Variants in ATP2B2 observed in about 807,000 individuals in gnomAD.
ATP2B2 encodes plasma membrane calcium-transporting ATPase 2.
A neutral mutation model predicts 120.0 loss-of-function variants in ATP2B2; 15 were observed. The ratio of observed to expected loss-of-function variants is 0.12; its 90% CI spans 0.08 to 0.19. The LOEUF (loss-of-function observed/expected upper bound fraction) is 0.19, where lower values mean the gene tolerates loss of function less well. Ranked by LOEUF, ATP2B2 falls within the 10% of genes least tolerant of loss-of-function variation. The pLI is 1.00. For synonymous variants in ATP2B2, 694 were observed against 700.3 expected (o/e 0.99, Z 0.14); for missense variants, 1,045 against 1,719.8 (o/e 0.61, Z 6.94).
At chr3:10,420,659 G>T (rs1045643171) in intron 2 of ATP2B2, among the ~76,000 whole-genome samples, 5 of 152,248 alleles carry the variant, frequency 3.3e-5, no homozygotes, top group African/African-American at 4.8e-5. Context: ...ACCACGCCCG[G>T]CCTGGGCCTT....
At chr3:10,520,699 G>A (rs2066967331) in intron 3 of ATP2B2, among the ~76,000 whole-genome samples, 1 of 150,878 alleles carries the variant, frequency 6.6e-6, no homozygotes, top group Non-Finnish European at 1.5e-5. Context: ...CAAGTGATCT[G>A]CCTGCCTGGG....
chr3:10,327,916 G>C lies in ATP2B2; in HGVS notation c.*898C>G, dbSNP rs913697045. ...TAAAACATCCAGGATGCAACCCAGGGGAAGTGTCTGTTGGGCCGAGCTGTT... is the reference window on the plus strand; with the variant it reads ...TAAAACATCCAGGATGCAACCCAGGCGAAGTGTCTGTTGGGCCGAGCTGTT... On this transcript the variant is annotated 3_prime_UTR_variant, in exon 23 of 23. Coordinates refer to ENST00000360273, the MANE Select transcript of ATP2B2 (RefSeq NM_001001331.4). 1 of 152,608 alleles carries C rather than the reference G, an allele frequency of 6.6e-6. No homozygotes were observed. The highest frequency in any genetic ancestry group is 1.5e-5 in the Non-Finnish European group (1 of 68,036). 9.5% of individuals were successfully genotyped at this position (152,608 alleles called of 1,614,324 possible). A position where few individuals can be genotyped will look rare whatever the true frequency, so the allele number is the denominator to read the frequency against.
At chr3:10,584,446 A>G (rs1473038958) in intron 2 of ATP2B2, among the ~76,000 whole-genome samples, 1 of 152,102 alleles carries the variant, frequency 6.6e-6, no homozygotes, top group Non-Finnish European at 1.5e-5. Context: ...TGGAGGCTCT[A>G]CAGGTGCCAC....
At position 10,657,008 on chromosome 3, in the gene ATP2B2, G is replaced by T. The variant is rs1193908829; in HGVS notation, c.-459-37047C>A. Reference sequence around the variant, plus strand: ...TGGCTGGACATGGAAAGGGGTTTGGGTTTTTTTTTCCAAATGGGAGAGGAA... The same window carrying T: ...TGGCTGGACATGGAAAGGGGTTTGGTTTTTTTTTTCCAAATGGGAGAGGAA... On this transcript the variant is annotated intron_variant, in intron 1 of 21. Coordinates refer to the ATP2B2 transcript ENST00000646379. 6.6e-5 allele frequency among the ~76,000 whole-genome samples: 10 copies of T among 151,774 alleles called. No individual in the cohort carries two copies. The East Asian group carries it at 1.7e-3, about 26-fold the overall frequency.
intron 1 of ATP2B2, among the ~76,000 whole-genome samples, chr3:10,688,926 T>G (rs1206931518): frequency 1.3e-5 from 2 of 152,074 alleles, no homozygotes; most frequent in Non-Finnish European, 2.9e-5. Flanking sequence ...CCCTCCATGG[T>G]GCAGATGTGG....
chr3:10,524,331 C>T (rs778959180), intron 3 of ATP2B2, among the ~76,000 whole-genome samples: 17 of 152,164 alleles, frequency 1.1e-4, no homozygotes, highest in Non-Finnish European at 2.2e-4. Flanking sequence ...AGCACTATAC[C>T]CACACCAGGC....
chr3:10,338,190 G>C lies in ATP2B2; in HGVS notation c.3406C>G (p.Arg1136Gly). The change falls in exon 22 of 23, where the codon CGG (arginine) becomes GGG (glycine). Residue 1136 changes from arginine (R) to glycine (G), a missense_variant. Coordinates refer to ENST00000360273, the MANE Select transcript of ATP2B2 (RefSeq NM_001001331.4). ...GCCTCCTGTACCTGTGTCTGGATCC[G>C]ATTCAGGCCTCGGAACCACAGGATC... is the stretch of plus-strand genomic sequence containing the variant. ...GQILWFRGLN[R>G]IQTQIRVVKA... is the part of the protein sequence containing the mutation. The C allele has an allele frequency of 6.2e-7, 1 of 1,614,004 alleles. No individual in the cohort carries two copies. The highest frequency in any genetic ancestry group is 8.5e-7 in the Non-Finnish European group (1 of 1,180,008).
At chr3:10,523,976 T>TAAAAA (rs2125459961) in intron 3 of ATP2B2, among the ~76,000 whole-genome samples, 2 of 152,336 alleles carry the variant, frequency 1.3e-5, no homozygotes, top group East Asian at 3.9e-4. Flanking sequence ...AAAATTGCAT[T>TAAAAA]AAATGCCAAT....
intron 3 of ATP2B2, among the ~76,000 whole-genome samples, chr3:10,531,450 G>T (rs2067208173): frequency 6.6e-6 from 1 of 152,218 alleles, no homozygotes; most frequent in African/African-American, 2.4e-5. Context: ...CTCTGCTTCA[G>T]TTTCTTCCTT....
At chr3:10,389,997 C>A (rs532005766) in intron 5 of ATP2B2, among the ~76,000 whole-genome samples, 1 of 152,128 alleles carries the variant, frequency 6.6e-6, no homozygotes, top group African/African-American at 2.4e-5. Flanking sequence ...GCTCTCCAGG[C>A]ACACATTTTT....
chr3:10,343,064 G>A lies in ATP2B2; in HGVS notation c.2704-99C>T. On this transcript the variant is annotated intron_variant, in intron 18 of 22. Coordinates refer to ENST00000360273, the MANE Select transcript of ATP2B2 (RefSeq NM_001001331.4). The surrounding 1 kb of genome is among the most constrained non-coding windows in gnomAD (Gnocchi z 4.2). ...GTAGTGTCCGCAGGCTCCTGCTGGA[G>A]GCTGGAGTCCGACCTGCCCCTTGGC... 1 of 1,311,058 alleles carries A rather than the reference G, an allele frequency of 7.6e-7. No homozygotes were observed. The allele number at this position is 1,311,058 out of a possible 1,614,324, so 81.2% of individuals were successfully genotyped here.
intron 1 of ATP2B2, among the ~76,000 whole-genome samples, chr3:10,625,205 G>C (rs1341046217): frequency 5.3e-5 from 8 of 152,216 alleles, no homozygotes; most frequent in Non-Finnish European, 1.0e-4. Context: ...TGAACGGTCT[G>C]TGGGTACTTA....
chr3:10,324,224 C>G lies in ATP2B2; in HGVS notation c.*4590G>C, dbSNP rs780268212. 3.3e-5 allele frequency: 5 copies of G among 152,100 alleles called. No homozygotes were observed. The highest frequency in any genetic ancestry group is 7.4e-5 in the Non-Finnish European group (5 of 68,024). 9.4% of individuals were successfully genotyped at this position (152,100 alleles called of 1,614,324 possible). A position where few individuals can be genotyped will look rare whatever the true frequency, so the allele number is the denominator to read the frequency against. On this transcript the variant is annotated 3_prime_UTR_variant, in exon 23 of 23. Transcript: ENST00000360273. Reference sequence around the variant, plus strand: ...TACGGAAGCTGGAGGCGGCACCATTCCCTCGCTACTCTATTATAAAATATG... The same window carrying G: ...TACGGAAGCTGGAGGCGGCACCATTGCCTCGCTACTCTATTATAAAATATG...
chr3:10,636,263 A>G (rs2070019168), intron 1 of ATP2B2, among the ~76,000 whole-genome samples: 1 of 152,212 alleles, frequency 6.6e-6, no homozygotes. Flanking sequence ...ACCTGCAGAC[A>G]GAAATGCAAG....
chr3:10,376,703 A>G (rs185593579), intron 10 of ATP2B2, among the ~76,000 whole-genome samples: 14 of 152,328 alleles, frequency 9.2e-5, no homozygotes, highest in Middle Eastern at 3.4e-3. Flanking sequence ...ATGCACTCCC[A>G]TCTTAACCTG....
rs2062261584 is a variant in ATP2B2 at position 10,402,637 on chromosome 3, C to T, written c.398-289G>A. Reference sequence around the variant, plus strand: ...GGCAAGTAGGAAGCTGGAATGTGAACCCAGGCAGTCTGGCTTCAGAGCCCA... The same window carrying T: ...GGCAAGTAGGAAGCTGGAATGTGAATCCAGGCAGTCTGGCTTCAGAGCCCA... On this transcript the variant is annotated intron_variant, in intron 3 of 22. Transcript: ENST00000360273. The surrounding 1 kb of genome is among the most constrained non-coding windows in gnomAD (Gnocchi z 4.9). 6.6e-6 allele frequency among the ~76,000 whole-genome samples: 1 copy of T among 152,232 alleles called. No individual in the cohort carries two copies. Among genetic ancestry groups the T allele is most frequent in the African/African-American group, 2.4e-5 (1 of 41,468 alleles).
chr3:10,430,732 G>A (rs763251662), intron 2 of ATP2B2, among the ~76,000 whole-genome samples: 7 of 151,686 alleles, frequency 4.6e-5, no homozygotes. Flanking sequence ...AGAACTTGGA[G>A]CTGTCAGCTG....
At chr3:10,571,133 T>C (rs1205594557) in intron 2 of ATP2B2, among the ~76,000 whole-genome samples, 2 of 152,148 alleles carry the variant, frequency 1.3e-5, no homozygotes, top group Non-Finnish European at 2.9e-5. Flanking sequence ...GAAGAAGGTG[T>C]TCTGGAAGTT....
intron 1 of ATP2B2, chr3:10,626,955 T>C (rs1025112321): frequency 3.3e-5 from 5 of 150,330 alleles, no homozygotes; most frequent in African/African-American, 1.2e-4. Context: ...CAAACATAAA[T>C]GACACTGCCC....
Sources: allele counts gnomAD v4.1 joint callset (sites outside exome capture counted in the v4.1 genomes callset), GRCh38; gene constraint gnomAD v4.1.1; non-coding constraint Gnocchi (gnomAD v3.1); transcripts MANE v1.5; gene names NCBI Gene and HGNC (gene_info 2026-07-23, HGNC 2026-07-21).